Variants in PTPRD observed in about 807,000 individuals in gnomAD.
PTPRD encodes protein tyrosine phosphatase receptor type D.
PTPRD carries 34 observed loss-of-function variants against 214.5 expected under a neutral mutation model. That is an observed-to-expected ratio of 0.16 (90% CI 0.12 to 0.21). The LOEUF (loss-of-function observed/expected upper bound fraction) is 0.21. PTPRD is among the 10% of genes least tolerant of loss of function. The probability of loss-of-function intolerance (pLI) is 1.00; values close to 1 mark genes in which losing one functional copy is unlikely to be tolerated. For missense variants in PTPRD, 2,545 were observed against 2,398.7 expected, an observed-to-expected ratio of 1.06 and a Z score of -1.27; for synonymous variants, 1,128 against 845.7, an observed-to-expected ratio of 1.33 and a Z score of -5.79.
chr9:8,602,237 T>A lies in PTPRD; in HGVS notation c.352+31080A>T, dbSNP rs535097421. ...AGTTCTAAATAGAAAACTGTGAACA[T>A]GTTTTCACAATTAAGGTGTTTACAA... On this transcript the variant is annotated intron_variant, in intron 14 of 45. Transcript: ENST00000381196. Among the ~76,000 whole-genome samples, 35 of 152,356 alleles carry A rather than the reference T, an allele frequency of 2.3e-4. No individual in the cohort carries two copies. The South Asian group carries it at 7.0e-3, about 31-fold the overall frequency.
At chr9:9,313,502 G>A (rs1960451704) in intron 9 of PTPRD, among the ~76,000 whole-genome samples, 1 of 152,134 alleles carries the variant, frequency 6.6e-6, no homozygotes, top group Non-Finnish European at 1.5e-5. Context: ...AGAGATCCTG[G>A]TAGGAATCAT....
At chr9:10,594,475 T>G (rs2076190564) in intron 2 of PTPRD, among the ~76,000 whole-genome samples, 1 of 152,032 alleles carries the variant, frequency 6.6e-6, no homozygotes, top group African/African-American at 2.4e-5. Context: ...GTGATGCTAT[T>G]TATACCTGAG....
At chr9:8,673,783 G>T (rs2097339497) in intron 12 of PTPRD, among the ~76,000 whole-genome samples, 1 of 152,150 alleles carries the variant, frequency 6.6e-6, no homozygotes, top group African/African-American at 2.4e-5. Flanking sequence ...CGAGTGCACT[G>T]AAGTAGTGTT....
chr9:8,337,615 CAGCAAATGTAGT>C (rs913717817), intron 43 of PTPRD, among the ~76,000 whole-genome samples: 37 of 151,330 alleles, frequency 2.4e-4, no homozygotes, highest in African/African-American at 8.7e-4. Context: ...CACAGACAAA[CAGCAAATGTAGT>C]AGCTAAGAAA....
intron 7 of PTPRD, among the ~76,000 whole-genome samples, chr9:9,703,315 T>G (rs1354810999): frequency 6.6e-6 from 1 of 152,126 alleles, no homozygotes; most frequent in East Asian, 1.9e-4. Context: ...TTACCCAATC[T>G]CAGGTATTTC....
At chr9:9,292,213 T>G (rs1178692466) in intron 9 of PTPRD, among the ~76,000 whole-genome samples, 3 of 151,240 alleles carry the variant, frequency 2.0e-5, no homozygotes, top group African/African-American at 7.3e-5. Context: ...TCTCTCTCAA[T>G]ATCATCTCAT....
chr9:9,669,146 G>C (rs556998518), intron 7 of PTPRD, among the ~76,000 whole-genome samples: 1 of 151,798 alleles, frequency 6.6e-6, no homozygotes, highest in Non-Finnish European at 1.5e-5. Context: ...CCCATTACTG[G>C]GTATATACCC....
chr9:9,318,333 G>C (rs1964513924), intron 9 of PTPRD, among the ~76,000 whole-genome samples: 1 of 151,550 alleles, frequency 6.6e-6, no homozygotes, highest in Non-Finnish European at 1.5e-5. Flanking sequence ...TGCTAGTTAA[G>C]AGTCAGGAAA....
chr9:10,066,057 T>C (rs2097876133), intron 3 of PTPRD, among the ~76,000 whole-genome samples: 1 of 151,958 alleles, frequency 6.6e-6, no homozygotes, highest in South Asian at 2.1e-4. Flanking sequence ...CCATTTCACA[T>C]GGAACTTGAA....
chr9:8,528,228 C>T lies in PTPRD; in HGVS notation c.541+363G>A, dbSNP rs931439034. On this transcript the variant is annotated intron_variant, in intron 15 of 45. Coordinates refer to ENST00000381196, the MANE Select transcript of PTPRD (RefSeq NM_002839.4). ...TCTCCTTGCAAGTTCTGAATGAAGTCCAATGTTGAAATAAATTTGTTTCAA... is the reference window on the plus strand; with the variant it reads ...TCTCCTTGCAAGTTCTGAATGAAGTTCAATGTTGAAATAAATTTGTTTCAA... 1.9e-5 allele frequency: 8 copies of T among 424,912 alleles called. No individual in the cohort carries two copies. In the Admixed American group the frequency reaches 3.3e-4, roughly 17 times the overall value. The allele number at this position is 424,912 out of a possible 1,614,324, so 26.3% of individuals were successfully genotyped here.
intron 12 of PTPRD, among the ~76,000 whole-genome samples, chr9:8,695,155 C>A (rs1259730874): frequency 1.3e-5 from 2 of 152,062 alleles, no homozygotes; most frequent in Non-Finnish European, 2.9e-5. Flanking sequence ...TGCAGCAGCT[C>A]TAAACACCAC....
At chr9:10,072,003 A>G (rs2098029573) in intron 3 of PTPRD, among the ~76,000 whole-genome samples, 1 of 151,962 alleles carries the variant, frequency 6.6e-6, no homozygotes, top group Non-Finnish European at 1.5e-5. Context: ...ATAAATGATG[A>G]AAAAATTGGT....
intron 3 of PTPRD, among the ~76,000 whole-genome samples, chr9:10,249,377 T>C (rs1351537035): frequency 6.6e-6 from 1 of 152,166 alleles, no homozygotes; most frequent in African/African-American, 2.4e-5. Flanking sequence ...CAGCGTCTCT[T>C]CTTGTTTCAA....
Position 8,380,977 on chromosome 9 carries a change from C to T in PTPRD, c.4387-4251G>A, listed in dbSNP as rs184005798. On this transcript the variant is annotated intron_variant, in intron 37 of 45. Coordinates refer to ENST00000381196, the MANE Select transcript of PTPRD (RefSeq NM_002839.4). ...ACATGGCAAGGCATCAGAATTCCAA[C>T]TGTAACAAACTGATACCTTGAAAGG... Among the ~76,000 whole-genome samples, 709 of 152,316 alleles carry T rather than the reference C, an allele frequency of 4.7e-3. 3 individuals are homozygous for T. Among genetic ancestry groups the T allele is most frequent in the Non-Finnish European group, 8.3e-3 (568 of 68,038 alleles).
intron 14 of PTPRD, among the ~76,000 whole-genome samples, chr9:8,624,478 C>A (rs955683067): frequency 2.6e-5 from 4 of 151,796 alleles, no homozygotes; most frequent in Admixed American, 6.6e-5. Context: ...TTACTATGTG[C>A]CTAGCACTAT....
At chr9:8,748,645 C>T (rs2093163274) in intron 11 of PTPRD, among the ~76,000 whole-genome samples, 1 of 151,844 alleles carries the variant, frequency 6.6e-6, no homozygotes, top group South Asian at 2.1e-4. Flanking sequence ...GGCGTGGTGG[C>T]TTATGCATGT....
intron 11 of PTPRD, among the ~76,000 whole-genome samples, chr9:8,807,585 G>C (rs1235863942): frequency 6.7e-6 from 1 of 149,616 alleles, no homozygotes; most frequent in Non-Finnish European, 1.5e-5. Context: ...AATGGTTAAA[G>C]AACTTTGAAT....
At chr9:9,144,985 C>G (rs906680116) in intron 10 of PTPRD, among the ~76,000 whole-genome samples, 1 of 152,120 alleles carries the variant, frequency 6.6e-6, no homozygotes. Flanking sequence ...AGTTATTAAG[C>G]AACTTTTAAA....
chr9:9,685,349 A>G (rs887758097), intron 7 of PTPRD, among the ~76,000 whole-genome samples: 1 of 151,268 alleles, frequency 6.6e-6, no homozygotes, highest in Admixed American at 6.6e-5. Context: ...ATACACTTAA[A>G]CATGTACTTA....
Sources: allele counts gnomAD v4.1 joint callset (sites outside exome capture counted in the v4.1 genomes callset), GRCh38; gene constraint gnomAD v4.1.1; transcripts MANE v1.5; gene names NCBI Gene and HGNC (gene_info 2026-07-23, HGNC 2026-07-21).